The following PARVB variants were observed in gnomAD, a reference collection of about 807,000 sequenced individuals.
PARVB encodes parvin beta.
Under a neutral mutation model 47.0 loss-of-function variants are expected in PARVB, and 46 were observed. The ratio of observed to expected loss-of-function variants is 0.98; its 90% CI spans 0.77 to 1.25. The LOEUF is 1.25. PARVB is among the 50% of genes most tolerant of loss of function. PARVB has a pLI of 0.00. For missense variants in PARVB, 473 were observed against 471.6 expected, an observed-to-expected ratio of 1.00 and a Z score of -0.03; for synonymous variants, 196 against 196.3, an observed-to-expected ratio of 1.00 and a Z score of 0.01.
At position 44,044,234 on chromosome 22, in the gene PARVB, A is replaced by G. The variant is rs181374109; in HGVS notation, c.112+19783A>G. ...GAGATGGAGTCTCGCTCTGTTGTCA[A>G]GGCTGGAGTGCAATGGCCCGATCTC... On this transcript the variant is annotated intron_variant, in intron 1 of 12. Transcript: ENST00000338758. Among the ~76,000 whole-genome samples, 99 of 150,588 alleles carry G rather than the reference A, an allele frequency of 6.6e-4. 1 individual carries two copies. The highest frequency in any genetic ancestry group is 3.8e-3 in the Admixed American group (58 of 15,116).
At chr22:44,045,990 T>A (rs1349771835) in intron 1 of PARVB, among the ~76,000 whole-genome samples, 1 of 152,204 alleles carries the variant, frequency 6.6e-6, no homozygotes, top group Non-Finnish European at 1.5e-5. Flanking sequence ...TGTACTGAAT[T>A]TGAGAATTGC....
rs527388482 is a variant in PARVB at position 44,103,610 on chromosome 22, G to C, written c.273+3487G>C. 2 of 152,382 alleles carry C rather than the reference G, an allele frequency of 1.3e-5. No individual in the cohort carries two copies. Among genetic ancestry groups the C allele is most frequent in the South Asian group, 2.1e-4 (1 of 4,824 alleles). 9.4% of individuals were successfully genotyped at this position (152,382 alleles called of 1,614,324 possible). A position where few individuals can be genotyped will look rare whatever the true frequency, so the allele number is the denominator to read the frequency against. On this transcript the variant is annotated intron_variant, in intron 3 of 12. Coordinates refer to ENST00000338758, the MANE Select transcript of PARVB (RefSeq NM_013327.5). This position sits in a 1 kb window ranked among gnomAD's most constrained non-coding sequence, Gnocchi z 4.6. ...TCATCTTACATGGCAAAGGGACATG[G>C]TGGGTGTAGTTAGTGACCTTGCAAT...
At chr22:44,056,238 G>C (rs1238770835) in intron 1 of PARVB, among the ~76,000 whole-genome samples, 1 of 152,224 alleles carries the variant, frequency 6.6e-6, no homozygotes, top group African/African-American at 2.4e-5. Flanking sequence ...CTGTGTGGCC[G>C]TGTGGGATCC....
rs565506824 is a variant in PARVB, at chr22:44,099,978, T to C, written c.203-75T>C. 31 of 1,182,334 alleles carry C rather than the reference T, an allele frequency of 2.6e-5. 1 individual carries two copies. The South Asian group carries it at 3.5e-4, about 13-fold the overall frequency. 73.2% of individuals were successfully genotyped at this position (1,182,334 alleles called of 1,614,324 possible). ...TGCTTCTCCATTTGTCAGAGATGAG[T>C]TGGCCTCCCCCTGGTTCCCCGTGTC... On this transcript the variant is annotated intron_variant, in intron 2 of 12. Transcript: ENST00000338758.
chr22:44,082,204 G>C (rs1046012893), intron 1 of PARVB, among the ~76,000 whole-genome samples: 2 of 152,232 alleles, frequency 1.3e-5, no homozygotes, highest in Non-Finnish European at 2.9e-5. Flanking sequence ...TGCTCCGGAA[G>C]GGTGGCAATT....
At chr22:44,151,672 C>G in intron 10 of PARVB, 121 bp downstream of exon 10, 1 of 755,262 alleles carries the variant, frequency 1.3e-6, no homozygotes, top group South Asian at 1.5e-5. Context: ...AAGGAACTCC[C>G]GTGGTGCAGG....
chr22:44,070,355 A>G (rs897515141), intron 1 of PARVB, among the ~76,000 whole-genome samples: 1 of 152,132 alleles, frequency 6.6e-6, no homozygotes, highest in African/African-American at 2.4e-5. Flanking sequence ...AGTTATTCAC[A>G]TTCTCCTTTG....
chr22:44,073,217 C>T (rs1215302402), intron 1 of PARVB, among the ~76,000 whole-genome samples: 1 of 152,190 alleles, frequency 6.6e-6, no homozygotes, highest in Non-Finnish European at 1.5e-5. Flanking sequence ...GGGCTGGGCA[C>T]AATGGCTCAC....
chr22:44,056,663 A>G (rs1204221061), intron 1 of PARVB, among the ~76,000 whole-genome samples: 1 of 151,692 alleles, frequency 6.6e-6, no homozygotes, highest in African/African-American at 2.4e-5. Flanking sequence ...GCACAGCCAC[A>G]CCTGGCTAAT....
At chr22:44,004,073 C>T (rs897033874) in intron 2 of PARVB, among the ~76,000 whole-genome samples, 10 of 152,192 alleles carry the variant, frequency 6.6e-5, no homozygotes, top group Non-Finnish European at 1.2e-4. Context: ...GGGGTGTATC[C>T]ATCTGCATGT....
intron 12 of PARVB, among the ~76,000 whole-genome samples, chr22:44,164,415 C>CCCCA (rs1555913793): frequency 3.6e-5 from 5 of 139,178 alleles, no homozygotes; most frequent in Admixed American, 6.9e-5. Flanking sequence ...CCTGTCCCCC[C>CCCCA]CCCGGCTCCT....
At chr22:44,035,736 T>C (rs2146904898) in intron 1 of PARVB, among the ~76,000 whole-genome samples, 1 of 152,176 alleles carries the variant, frequency 6.6e-6, no homozygotes, top group South Asian at 2.1e-4. Context: ...CATAGTGTTA[T>C]TCAGGGTTTA....
At position 44,113,740 on chromosome 22, in the gene PARVB, A is replaced by C. The variant is rs1173040922; in HGVS notation, c.274-5298A>C. 8.1e-5 allele frequency: 3 copies of C among 37,264 alleles called. 1 individual carries two copies. The highest frequency in any genetic ancestry group is 5.8e-4 in the African/African-American group (3 of 5,162). 2.3% of individuals were successfully genotyped at this position (37,264 alleles called of 1,614,324 possible). On this transcript the variant is annotated intron_variant, in intron 3 of 12. Coordinates refer to ENST00000338758, the MANE Select transcript of PARVB (RefSeq NM_013327.5). ...CTAACTAAGGCCCTGCACCAACACAAATACGTTCTTACTAAGTAAGGCCCT... is the reference window on the plus strand; with the variant it reads ...CTAACTAAGGCCCTGCACCAACACACATACGTTCTTACTAAGTAAGGCCCT...
chr22:44,106,138 G>GTGT (rs2052561482), intron 3 of PARVB: 1 of 69,320 alleles, frequency 1.4e-5, no homozygotes, highest in Non-Finnish European at 2.6e-5. Context: ...AGCCAGATGT[G>GTGT]TTTTTTTTTT....
chr22:44,136,483 C>T lies in PARVB; in HGVS notation c.657C>T (p.Ser219=), dbSNP rs1477730656. Residue 219 remains serine, a synonymous_variant, in exon 7 of 13, where the codon TCC becomes TCT. Transcript: ENST00000338758. ...VVRKREGLLH[S]SHISEELTTT... is the part of the protein sequence containing the mutation. ...AGAAACGGGAAGGCCTGCTGCATTC[C>T]AGCCACATCTCGGAGGAGCTGACCA... is the stretch of plus-strand genomic sequence containing the variant. 2 of 1,614,134 alleles carry T rather than the reference C, an allele frequency of 1.2e-6. No individual in the cohort carries two copies. The highest frequency in any genetic ancestry group is 1.7e-5 in the Admixed American group (1 of 60,036).
At chr22:44,036,300 T>C (rs1462619223) in intron 1 of PARVB, among the ~76,000 whole-genome samples, 1 of 152,110 alleles carries the variant, frequency 6.6e-6, no homozygotes, top group Non-Finnish European at 1.5e-5. Flanking sequence ...ACATAAGTAC[T>C]GCATCTTTAC....
intron 1 of PARVB, among the ~76,000 whole-genome samples, chr22:44,056,656 C>T (rs1237940604): frequency 1.3e-5 from 2 of 151,972 alleles, no homozygotes; most frequent in African/African-American, 4.8e-5. Flanking sequence ...CAGGCGTGCA[C>T]AGCCACACCT....
chr22:44,055,826 G>C (rs2051300322), intron 1 of PARVB, among the ~76,000 whole-genome samples: 1 of 152,212 alleles, frequency 6.6e-6, no homozygotes, highest in Non-Finnish European at 1.5e-5. Flanking sequence ...TCCCAGCTGA[G>C]TGAATCCCCT....
chr22:44,144,497 T>C (rs1256693331), intron 8 of PARVB: 1 of 152,180 alleles, frequency 6.6e-6, no homozygotes, highest in Non-Finnish European at 1.5e-5. Context: ...AACTTTCCAA[T>C]TTAAGAACTG....
Sources: allele counts gnomAD v4.1 joint callset (sites outside exome capture counted in the v4.1 genomes callset), GRCh38; gene constraint gnomAD v4.1.1; non-coding constraint Gnocchi (gnomAD v3.1); transcripts MANE v1.5; gene names NCBI Gene and HGNC (gene_info 2026-07-23, HGNC 2026-07-21).